The following SRR variants were observed in gnomAD, a reference collection of about 807,000 sequenced individuals.
SRR encodes the protein serine racemase.
SRR carries 19 observed loss-of-function variants against 32.7 expected under a neutral mutation model. The observed-to-expected ratio is 0.58, with a 90% CI of 0.40 to 0.85. SRR has a LOEUF of 0.85. Among genes scored for constraint, SRR ranks in the 40% least tolerant of loss-of-function variants. The pLI is 0.00. For synonymous variants in SRR, 142 were observed against 140.9 expected (o/e 1.01, Z -0.06); for missense variants, 373 against 404.7 (o/e 0.92, Z 0.67).
At chr17:2,309,831 C>G (rs2075420895) in intron 1 of SRR, 1 of 152,184 alleles carries the variant, frequency 6.6e-6, no homozygotes, top group Non-Finnish European at 1.5e-5. Context: ...AGTCCTTACC[C>G]AGAATTTTTT....
intron 1 of SRR, among the ~76,000 whole-genome samples, chr17:2,313,873 G>C (rs931858494): frequency 2.6e-5 from 4 of 152,208 alleles, no homozygotes; most frequent in African/African-American, 9.6e-5. Flanking sequence ...GCCTGGAAAG[G>C]TAAACCACTG....
At chr17:2,316,286 C>T (rs1015503177) in intron 2 of SRR, among the ~76,000 whole-genome samples, 2 of 152,138 alleles carry the variant, frequency 1.3e-5, no homozygotes, top group African/African-American at 4.8e-5. Context: ...CCAAATCATG[C>T]ATTTCTCGAA....
In SRR at chr17:2,325,033, T is replaced by C. The variant is rs2075567440; in HGVS notation, c.*1160T>C. ...AACTTGTACTTCAAGAGAAATGATG[T>C]ATAACAAAACCATACTTTTTCTCAT... On this transcript the variant is annotated 3_prime_UTR_variant, in exon 8 of 8. Transcript: ENST00000344595. 9.6e-6 allele frequency: 6 copies of C among 623,764 alleles called. No individual in the cohort carries two copies. In the South Asian group the frequency reaches 1.3e-4, roughly 14 times the overall value. The allele number at this position is 623,764 out of a possible 1,614,324, so 38.6% of individuals were successfully genotyped here.
intron 2 of SRR, among the ~76,000 whole-genome samples, chr17:2,316,291 C>T (rs2075472162): frequency 6.6e-6 from 1 of 152,128 alleles, no homozygotes. Flanking sequence ...TCATGCATTT[C>T]TCGAAACATA....
chr17:2,303,943 G>A (rs879902481), upstream of SRR: 45 of 414,556 alleles, frequency 1.1e-4, no homozygotes, highest in Non-Finnish European at 1.7e-4. Context: ...GCGGGCGGGC[G>A]CTGCGCGTGC....
chr17:2,316,019 C>A (rs2075469941), intron 2 of SRR, among the ~76,000 whole-genome samples: 1 of 151,978 alleles, frequency 6.6e-6, no homozygotes, highest in African/African-American at 2.4e-5. Context: ...ACATAAAATA[C>A]AGTCATATGC....
At chr17:2,323,099 G>A (rs375980768) in intron 6 of SRR, 37 bp from the exon 7 acceptor site, 3 of 1,603,736 alleles carry the variant, frequency 1.9e-6, no homozygotes, top group Non-Finnish European at 8.5e-7. Context: ...CAATGTTGTG[G>A]TTTGTTGTTA....
At position 2,324,211 on chromosome 17, in the gene SRR, T is replaced by C. The variant is rs138675628; in HGVS notation, c.*338T>C. 1.6e-5 allele frequency: 25 copies of C among 1,523,336 alleles called. No individual in the cohort carries two copies. In the Admixed American group the frequency reaches 2.7e-4, roughly 17 times the overall value. 94.4% of individuals were successfully genotyped at this position (1,523,336 alleles called of 1,614,324 possible). ...TTTGAATCCATTACTCCATGCCCCCTTGAGGCACTGTTGAAGAAATCTCAC... is the reference window on the plus strand; with the variant it reads ...TTTGAATCCATTACTCCATGCCCCCCTGAGGCACTGTTGAAGAAATCTCAC... On this transcript the variant is annotated 3_prime_UTR_variant, in exon 8 of 8. Coordinates refer to ENST00000344595, the MANE Select transcript of SRR (RefSeq NM_021947.3).
intron 5 of SRR, 58 bp downstream of exon 5, chr17:2,321,483 A>G (rs2151436588): frequency 1.2e-6 from 2 of 1,612,384 alleles, no homozygotes; most frequent in Admixed American, 1.7e-5. Context: ...GCTATATTCA[A>G]TTATTTTATA....
intron 6 of SRR, 96 bp from the exon 7 acceptor site, chr17:2,323,040 C>T: frequency 7.7e-7 from 1 of 1,298,686 alleles, no homozygotes; most frequent in Non-Finnish European, 1.1e-6. Context: ...GTTGGGATTA[C>T]AGGTGTGAGC....
At chr17:2,322,104 A>AT (rs948593414) in intron 6 of SRR, among the ~76,000 whole-genome samples, 6 of 151,746 alleles carry the variant, frequency 4.0e-5, no homozygotes, top group African/African-American at 7.3e-5. Context: ...TAATATTTTT[A>AT]TTTTTTTTAA....
intron 1 of SRR, chr17:2,306,887 G>T: frequency 1.1e-6 from 1 of 918,788 alleles, no homozygotes; most frequent in East Asian, 2.4e-5. Context: ...CTCGCGGACT[G>T]TGTGGTAATG....
chr17:2,319,821 C>A (rs1002981486), intron 4 of SRR, among the ~76,000 whole-genome samples: 1 of 133,388 alleles, frequency 7.5e-6, no homozygotes, highest in Admixed American at 8.1e-5. Flanking sequence ...CTTGTCTCTT[C>A]TTTTTTTTTT....
chr17:2,321,309 A>G lies in SRR; in HGVS notation c.403A>G (p.Arg135Gly). The change falls in exon 5 of 8, where the codon AGA becomes GGA. Residue 135 changes from arginine (R) to glycine (G), a missense_variant. Coordinates refer to ENST00000344595, the MANE Select transcript of SRR (RefSeq NM_021947.3). ...AGCTAAATTAATGTACTTTCAGTCC[A>G]GAGAAAATGTTGCAAAAAGAGTTAC... The part of the protein sequence containing the change: ...IVYCEPSDES[R>G]ENVAKRVTEE... The G allele has an allele frequency of 6.2e-7, 1 of 1,613,802 alleles. No homozygotes were observed. Among genetic ancestry groups the G allele is most frequent in the Non-Finnish European group, 8.5e-7 (1 of 1,179,948 alleles).
At chr17:2,306,790 GTA>G in intron 1 of SRR, 1 of 706,536 alleles carries the variant, frequency 1.4e-6, no homozygotes, top group East Asian at 2.5e-5. Flanking sequence ...TAAAGAGCTC[GTA>G]CAGCTGAAGA....
chr17:2,323,013 C>T lies in SRR; in HGVS notation c.595-123C>T. On this transcript the variant is annotated intron_variant, in intron 6 of 7. Coordinates refer to ENST00000344595, the MANE Select transcript of SRR (RefSeq NM_021947.3). ...CTCCTGACCTCAGCTGATCCACCCG[C>T]CTCGGGCTCCCAAAGTGTTGGGATT... 6 of 978,008 alleles carry T rather than the reference C, an allele frequency of 6.1e-6. 1 individual carries two copies. The South Asian group carries it at 9.2e-5, about 15-fold the overall frequency. 60.6% of individuals were successfully genotyped at this position (978,008 alleles called of 1,614,324 possible). A position where few individuals can be genotyped will look rare whatever the true frequency, so the allele number is the denominator to read the frequency against.
chr17:2,303,805 T>C (rs959126878), upstream of SRR: 3 of 1,109,030 alleles, frequency 2.7e-6, no homozygotes, highest in African/African-American at 1.7e-5. Flanking sequence ...GCGCGCGCGC[T>C]CGCCCACCTC....
At chr17:2,304,748 G>A (rs1166839743) in intron 1 of SRR, among the ~76,000 whole-genome samples, 1 of 150,708 alleles carries the variant, frequency 6.6e-6, no homozygotes, top group Non-Finnish European at 1.5e-5. Flanking sequence ...CCAACAGAGC[G>A]AGACTCCGCC....
At position 2,324,342 on chromosome 17, in the gene SRR, C is replaced by A; in HGVS notation, c.*469C>A. 6.4e-7 allele frequency: 1 copy of A among 1,563,460 alleles called. No homozygotes were observed. The highest frequency in any genetic ancestry group is 1.2e-5 in the South Asian group (1 of 81,108). On this transcript the variant is annotated 3_prime_UTR_variant, in exon 8 of 8. Coordinates refer to ENST00000344595, the MANE Select transcript of SRR (RefSeq NM_021947.3). ...ACTGTGTCTTGAGATTTTAGCTTCC[C>A]ATCAAAGCTGCATTTCATGTGGCCA...
Sources: allele counts gnomAD v4.1 joint callset (sites outside exome capture counted in the v4.1 genomes callset), GRCh38; gene constraint gnomAD v4.1.1; transcripts MANE v1.5; gene names NCBI Gene and HGNC (gene_info 2026-07-23, HGNC 2026-07-21).